DNAH1: variants seen among roughly 807,000 people sequenced by gnomAD.
DNAH1 encodes the protein dynein axonemal heavy chain 1.
Under a neutral mutation model 484.3 loss-of-function variants are expected in DNAH1, and 327 were observed. That is an observed-to-expected ratio of 0.68 (90% CI 0.62 to 0.74). The LOEUF is 0.74. Ranked by LOEUF, DNAH1 falls within the 30% of genes least tolerant of loss-of-function variation. DNAH1 has a pLI of 0.00. For missense variants in DNAH1, 5,052 were observed against 5,546.8 expected, an observed-to-expected ratio of 0.91 and a Z score of 2.83; for synonymous variants, 2,192 against 2,191.9, an observed-to-expected ratio of 1.00 and a Z score of 0.00.
chr3:52,343,868 CGAGTGAGTGAGT>C (rs910934445), intron 8 of DNAH1, among the ~76,000 whole-genome samples: 1 of 152,026 alleles, frequency 6.6e-6, no homozygotes, highest in Non-Finnish European at 1.5e-5. Context: ...AGTGAGTGAG[CGAGTGAGTGAGT>C]GAGTGAAATG....
intron 8 of DNAH1, among the ~76,000 whole-genome samples, chr3:52,338,480 A>C (rs1463914638): frequency 6.6e-6 from 1 of 152,218 alleles, no homozygotes; most frequent in East Asian, 1.9e-4. Flanking sequence ...TTAGTCTTCA[A>C]CTTACAATAA....
Position 52,374,558 on chromosome 3 carries a change from A to G in DNAH1, c.6986-682A>G, listed in dbSNP as rs532478999. On this transcript the variant is annotated intron_variant, in intron 44 of 77. Coordinates refer to ENST00000420323, the MANE Select transcript of DNAH1 (RefSeq NM_015512.5). ...AGCCCCTCTTCCGGCAGTTGGCCAA[A>G]TGTGTCTCCAGCCCACACTTCCAGG... is the stretch of plus-strand genomic sequence containing the variant. The G allele has an allele frequency of 5.7e-4, 861 of 1,500,992 alleles. 16 individuals carry two copies. In the South Asian group the frequency reaches 9.1e-3, roughly 16 times the overall value. 93.0% of individuals were successfully genotyped at this position (1,500,992 alleles called of 1,614,324 possible).
intron 63 of DNAH1, 68 bp from the exon 64 acceptor site, chr3:52,392,396 C>A (rs1704426408): frequency 6.9e-7 from 1 of 1,443,912 alleles, no homozygotes; most frequent in Non-Finnish European, 9.6e-7. Context: ...GGATGGGTGA[C>A]CAGGTTCACG....
chr3:52,374,735 C>G (rs558804663), intron 44 of DNAH1: 1 of 1,241,934 alleles, frequency 8.1e-7, no homozygotes, highest in East Asian at 2.3e-5. Flanking sequence ...TGATATACAA[C>G]GCCCTGAATC....
chr3:52,372,031 T>G lies in DNAH1; in HGVS notation c.6611T>G (p.Met2204Arg). The change falls in exon 42 of 78, where the codon ATG (methionine) becomes AGG (arginine). Residue 2204 changes from methionine (M) to arginine (R), a missense_variant. This residue lies in a region of DNAH1 where 2,929 missense variants were observed against 3,409.4 expected (regional missense o/e 0.86). Transcript: ENST00000420323. ...TACTGCAACATCATTGTGCCCACCA[T>G]GGACACCGTGCAGATGTCCCATTTA... ...TNYCNIIVPT[M>R]DTVQMSHLLD... 6.2e-7 allele frequency: 1 copy of G among 1,613,832 alleles called. No individual in the cohort carries two copies. The highest frequency in any genetic ancestry group is 8.5e-7 in the Non-Finnish European group (1 of 1,179,862).
intron 8 of DNAH1, among the ~76,000 whole-genome samples, chr3:52,340,577 G>A (rs183131609): frequency 4.6e-5 from 7 of 152,150 alleles, no homozygotes; most frequent in African/African-American, 1.7e-4. Flanking sequence ...TGGGACTACA[G>A]GTGGTTACCA....
chr3:52,326,190 T>C lies in DNAH1; in HGVS notation c.457T>C (p.Cys153Arg). 6.2e-7 allele frequency: 1 copy of C among 1,612,756 alleles called. No individual in the cohort carries two copies. Among genetic ancestry groups the C allele is most frequent in the Non-Finnish European group, 8.5e-7 (1 of 1,179,408 alleles). The change falls in exon 4 of 78, where the codon TGC becomes CGC. Residue 153 changes from cysteine to arginine, a missense_variant. Physicochemically the swap from Cys to Arg is radical, Grantham distance 180. This residue lies in a region of DNAH1 where 1,263 missense variants were observed against 1,218.8 expected (regional missense o/e 1.04). Coordinates refer to ENST00000420323, the MANE Select transcript of DNAH1 (RefSeq NM_015512.5). ...CTTCCAGGAGCGCATGGAGCAGCAG[T>C]GCATCGGGTCCACCACCCGGCTGCT... ...EDFQERMEQQ[C>R]IGSTTRLLAQ...
chr3:52,354,711 G>A lies in DNAH1; in HGVS notation c.3481-132G>A, dbSNP rs71297393. 3.2e-3 allele frequency: 2,436 copies of A among 754,628 alleles called. 12 individuals are homozygous for A. Among genetic ancestry groups the A allele is most frequent in the Admixed American group, 6.4e-3 (250 of 38,860 alleles). The allele number at this position is 754,628 out of a possible 1,614,324, so 46.7% of individuals were successfully genotyped here. A position where few individuals can be genotyped will look rare whatever the true frequency, so the allele number is the denominator to read the frequency against. On this transcript the variant is annotated intron_variant, in intron 20 of 77. Transcript: ENST00000420323. Reference sequence around the variant, plus strand: ...CACGGGACTTGTTGCCAGACAAGCCGAGAGTATTTGCCAGAGCGGCCATGT... The same window carrying A: ...CACGGGACTTGTTGCCAGACAAGCCAAGAGTATTTGCCAGAGCGGCCATGT...
chr3:52,396,578 GT>G, intron 71 of DNAH1, 39 bp from the exon 72 acceptor site: 17 of 1,610,656 alleles, frequency 1.1e-5, no homozygotes, highest in Non-Finnish European at 1.3e-5. Context: ...ACCTGCCCCC[GT>G]CCCCGCTCCT....
At chr3:52,371,431 C>T (rs916395249) in intron 41 of DNAH1, among the ~76,000 whole-genome samples, 2 of 152,234 alleles carry the variant, frequency 1.3e-5, no homozygotes, top group African/African-American at 2.4e-5. Flanking sequence ...GTGATCCCCC[C>T]ATCAGGGGAC....
In DNAH1 at chr3:52,346,849, C is replaced by T. The variant is rs1191155072; in HGVS notation, c.1955+79C>T. On this transcript the variant is annotated intron_variant, in intron 11 of 77. Transcript: ENST00000420323. ...CTGGGGATGGAGCAGGGTCAGGGAC[C>T]AGGGCCAGGGTGCCCATCCATGCCA... The T allele has an allele frequency of 2.7e-6, 4 of 1,461,906 alleles. No individual in the cohort carries two copies. The African/African-American group carries it at 5.6e-5, about 20-fold the overall frequency. The allele number at this position is 1,461,906 out of a possible 1,614,324, so 90.6% of individuals were successfully genotyped here.
chr3:52,341,960 A>ATGAAAAATC (rs1366334200), intron 8 of DNAH1, among the ~76,000 whole-genome samples: 1 of 152,214 alleles, frequency 6.6e-6, no homozygotes, highest in African/African-American at 2.4e-5. Context: ...AAGACAGACA[A>ATGAAAAATC]TGAAAAATCT....
At chr3:52,382,555 ACAGT>A (rs1396144170) in intron 50 of DNAH1, 100 bp downstream of exon 50, 11 of 1,535,798 alleles carry the variant, frequency 7.2e-6, no homozygotes, top group South Asian at 3.6e-5. Flanking sequence ...TGCCCAGCTC[ACAGT>A]CAGGGCAGAT....
chr3:52,370,730 T>C lies in DNAH1; in HGVS notation c.6430T>C (p.Phe2144Leu), dbSNP rs768096962. ...TGGTTCCCGGCAGCTGACTCTGCTT[T>C]TCCCAGAAGAGGGGCTGGTGTTCGA... ...KMENEQLTLLFPEEGLVFDYR... is the reference protein window; with the variant it reads ...KMENEQLTLLLPEEGLVFDYR... Residue 2144 changes from phenylalanine to leucine, a missense_variant, in exon 41 of 78, where the codon TTC becomes CTC. Physicochemically the swap from Phe to Leu is conservative, Grantham distance 22. This residue lies in a region of DNAH1 where 2,929 missense variants were observed against 3,409.4 expected (regional missense o/e 0.86). Transcript: ENST00000420323. 5 of 1,603,504 alleles carry C rather than the reference T, an allele frequency of 3.1e-6. No individual in the cohort carries two copies. In the Admixed American group the frequency reaches 8.6e-5, roughly 28 times the overall value.
At chr3:52,366,392 G>A in intron 34 of DNAH1, 65 bp from the exon 35 acceptor site, 1 of 1,335,492 alleles carries the variant, frequency 7.5e-7, no homozygotes, top group Non-Finnish European at 1.0e-6. Context: ...GGTCACACAA[G>A]TTAGTGGTGT....
chr3:52,336,545 C>T (rs1578093751), intron 8 of DNAH1, among the ~76,000 whole-genome samples: 1 of 152,072 alleles, frequency 6.6e-6, no homozygotes, highest in East Asian at 1.9e-4. Flanking sequence ...CAGAGTCAGA[C>T]CCTTTCTCAG....
At chr3:52,317,766 G>A (rs1701000154) in intron 1 of DNAH1, 1 of 152,266 alleles carries the variant, frequency 6.6e-6, no homozygotes, top group South Asian at 2.1e-4. Flanking sequence ...TTGGTGGGTA[G>A]GTAAGGGTTC....
At chr3:52,378,462 G>T in intron 46 of DNAH1, 140 bp from the exon 47 acceptor site, 1 of 879,178 alleles carries the variant, frequency 1.1e-6, no homozygotes, top group South Asian at 1.6e-5. Flanking sequence ...GGGCCAAAGG[G>T]TACGTGGAAT....
At position 52,363,000 on chromosome 3, in the gene DNAH1, C is replaced by G. The variant is rs368364427; in HGVS notation, c.5100C>G (p.Leu1700=). The change falls in exon 32 of 78, where the codon CTC becomes CTG. Residue 1700 remains leucine (L), a synonymous_variant. Transcript: ENST00000420323. The surrounding 1 kb of genome is among the most constrained non-coding windows in gnomAD (Gnocchi z 5.1). ...ATGTGCACTGTGTGTCCCAGGCGCT[C>G]TTCCGACCCGTGGCCATGATGGTTC... ...RTELPDNLKA[L]FRPVAMMVPD... 938 of 1,613,848 alleles carry G rather than the reference C, an allele frequency of 5.8e-4. No individual in the cohort carries two copies. Among genetic ancestry groups the G allele is most frequent in the Non-Finnish European group, 7.6e-4 (902 of 1,179,854 alleles).
Sources: allele counts gnomAD v4.1 joint callset (sites outside exome capture counted in the v4.1 genomes callset), GRCh38; gene constraint gnomAD v4.1.1; regional missense constraint gnomAD v4.1.1; non-coding constraint Gnocchi (gnomAD v3.1); transcripts MANE v1.5; gene names NCBI Gene and HGNC (gene_info 2026-07-23, HGNC 2026-07-21).